Variants in FLRT1 observed in about 807,000 individuals in gnomAD.
FLRT1 encodes the protein fibronectin leucine rich transmembrane protein 1.
Under a neutral mutation model 30.9 loss-of-function variants are expected in FLRT1, and 14 were observed. That is an observed-to-expected ratio of 0.45 (90% CI 0.30 to 0.71). FLRT1 has a LOEUF of 0.71. Ranked by LOEUF, FLRT1 falls within the 30% of genes least tolerant of loss-of-function variation. FLRT1 has a pLI of 0.08. For synonymous variants in FLRT1, 368 were observed against 430.4 expected (o/e 0.85, Z 1.80); for missense variants, 737 against 949.2 (o/e 0.78, Z 2.94).
chr11:64,047,123 C>T (rs542579610), intron 1 of FLRT1, among the ~76,000 whole-genome samples: 56 of 152,240 alleles, frequency 3.7e-4, no homozygotes, highest in African/African-American at 1.2e-3. Flanking sequence ...CACTCCCCGA[C>T]ATTGGCTGCC....
At chr11:64,059,499 A>G (rs1026634486) in intron 1 of FLRT1, among the ~76,000 whole-genome samples, 4 of 152,066 alleles carry the variant, frequency 2.6e-5, no homozygotes, top group African/African-American at 9.7e-5. Flanking sequence ...CCACAGGCTG[A>G]CCCTGGGTAC....
At chr11:64,098,721 C>T (rs1944620613) in intron 1 of FLRT1, among the ~76,000 whole-genome samples, 1 of 152,174 alleles carries the variant, frequency 6.6e-6, no homozygotes, top group African/African-American at 2.4e-5. Flanking sequence ...TAGCTCGCAC[C>T]AGCTCTGACC....
chr11:64,078,528 G>C (rs867946295), intron 1 of FLRT1, among the ~76,000 whole-genome samples: 40 of 152,342 alleles, frequency 2.6e-4, no homozygotes, highest in African/African-American at 9.1e-4. Context: ...AGGGATACCC[G>C]GGAGGGGAGC....
At chr11:64,112,264 A>C (rs764087580) in intron 2 of FLRT1, among the ~76,000 whole-genome samples, 2 of 152,230 alleles carry the variant, frequency 1.3e-5, no homozygotes, top group Non-Finnish European at 2.9e-5. Context: ...CTGTAATCCC[A>C]GTACTTTGAG....
chr11:64,118,042 G>A lies in FLRT1; in HGVS notation c.1775G>A (p.Arg592Gln), dbSNP rs767315617. The A allele has an allele frequency of 6.8e-5, 109 of 1,613,420 alleles. No homozygotes were observed. Among genetic ancestry groups the A allele is most frequent in the East Asian group, 1.6e-4 (7 of 44,888 alleles). ...ELLTRERAYN[R>Q]GSRKKDDYME... is the part of the protein sequence containing the mutation. ...CTGACCCGGGAGAGGGCCTACAACC[G>A]GGGCAGCAGGAAAAAGGATGACTAT... The change falls in exon 3 of 3, where the codon CGG becomes CAG. Residue 592 changes from arginine (R) to glutamine (Q), a missense_variant. By Grantham distance (43) the Arg-to-Gln change is conservative. Coordinates refer to ENST00000682287, the MANE Select transcript of FLRT1 (RefSeq NM_013280.5).
intron 1 of FLRT1, among the ~76,000 whole-genome samples, chr11:64,039,569 G>A (rs922283739): frequency 2.0e-5 from 3 of 152,160 alleles, no homozygotes; most frequent in Non-Finnish European, 4.4e-5. Context: ...CTGGATGGCC[G>A]GGAGGAGACG....
chr11:64,045,067 G>C (rs1030760041), intron 1 of FLRT1, among the ~76,000 whole-genome samples: 17 of 152,256 alleles, frequency 1.1e-4, no homozygotes, highest in African/African-American at 4.1e-4. Flanking sequence ...GAGCAGTCAG[G>C]CCTGTGCGGG....
intron 1 of FLRT1, among the ~76,000 whole-genome samples, chr11:64,053,747 G>A (rs2134418456): frequency 6.6e-6 from 1 of 152,332 alleles, no homozygotes; most frequent in South Asian, 2.1e-4. Flanking sequence ...CTCTGGGACT[G>A]CTGGGCCTTG....
chr11:64,075,921 G>A lies in FLRT1; in HGVS notation c.-1037-27273G>A, dbSNP rs137993139. ...ACTCCTGACCTCAAGTGATCCACCC[G>A]CCTCGGCTTCCCAAAGTGTTGGGAT... On this transcript the variant is annotated intron_variant, in intron 1 of 2. Coordinates refer to ENST00000682287, the MANE Select transcript of FLRT1 (RefSeq NM_013280.5). 2.8e-3 allele frequency among the ~76,000 whole-genome samples: 421 copies of A among 152,286 alleles called. 3 individuals carry two copies. The highest frequency in any genetic ancestry group is 9.7e-3 in the African/African-American group (403 of 41,564).
Position 64,111,743 on chromosome 11 carries a change from G to A in FLRT1, c.-49-4476G>A, listed in dbSNP as rs1193081413. ...AAGGCTGATGTGTCTAGCTCTGCAT[G>A]CTGTCCTGGCTTCAAGCCCGTCCTT... On this transcript the variant is annotated intron_variant, in intron 2 of 2. Coordinates refer to ENST00000682287, the MANE Select transcript of FLRT1 (RefSeq NM_013280.5). Among the ~76,000 whole-genome samples the A allele has an allele frequency of 3.9e-5, 6 of 152,338 alleles. 1 individual carries two copies. Among genetic ancestry groups the A allele is most frequent in the Admixed American group, 3.3e-4 (5 of 15,300 alleles).
intron 1 of FLRT1, among the ~76,000 whole-genome samples, chr11:64,054,466 G>A (rs1943747891): frequency 6.6e-6 from 1 of 152,098 alleles, no homozygotes; most frequent in African/African-American, 2.4e-5. Flanking sequence ...AACAAAGTGG[G>A]TGCTGGGTTC....
intron 1 of FLRT1, among the ~76,000 whole-genome samples, chr11:64,093,779 T>G (rs933931345): frequency 6.6e-5 from 10 of 152,162 alleles, no homozygotes; most frequent in Non-Finnish European, 1.5e-4. Flanking sequence ...CAGAACAGTG[T>G]TCTAGTCTGG....
chr11:64,117,724 A>C lies in FLRT1; in HGVS notation c.1457A>C (p.Gln486Pro), dbSNP rs1474897315. 6.2e-7 allele frequency: 1 copy of C among 1,613,744 alleles called. No individual in the cohort carries two copies. Among genetic ancestry groups the C allele is most frequent in the Non-Finnish European group, 8.5e-7 (1 of 1,179,952 alleles). ...AVGSITETLV[Q>P]GDKTEYLLTA... is the part of the protein sequence containing the mutation. ...GGCTCCATCACGGAGACCTTGGTGCAGGGGGACAAGACAGAGTACCTGCTG... is the reference window on the plus strand; with the variant it reads ...GGCTCCATCACGGAGACCTTGGTGCCGGGGGACAAGACAGAGTACCTGCTG... Residue 486 changes from glutamine (Q) to proline (P), a missense_variant, in exon 3 of 3, where the codon CAG becomes CCG. By Grantham distance (76) the Gln-to-Pro change is moderately conservative (BLOSUM62 -1). Coordinates refer to ENST00000682287, the MANE Select transcript of FLRT1 (RefSeq NM_013280.5).
chr11:64,114,452 A>G (rs12575401), intron 2 of FLRT1, among the ~76,000 whole-genome samples: 55 of 85,096 alleles, frequency 6.5e-4, no homozygotes, highest in Middle Eastern at 0.011. Context: ...TGGATGGATG[A>G]ATGGATGGAT....
chr11:64,088,434 C>A (rs1944433200), intron 1 of FLRT1, among the ~76,000 whole-genome samples: 1 of 152,166 alleles, frequency 6.6e-6, no homozygotes, highest in African/African-American at 2.4e-5. Flanking sequence ...CCCTGTGAGC[C>A]CTGCAGGTGC....
At chr11:64,098,405 G>A (rs1251719899) in intron 1 of FLRT1, among the ~76,000 whole-genome samples, 1 of 152,096 alleles carries the variant, frequency 6.6e-6, no homozygotes, top group Admixed American at 6.5e-5. Flanking sequence ...TGTTCTTCCC[G>A]TCCCACTCCC....
chr11:64,116,362 G>A lies in FLRT1; in HGVS notation c.95G>A (p.Arg32Gln), dbSNP rs745736386. 3.7e-6 allele frequency: 6 copies of A among 1,613,114 alleles called. No individual in the cohort carries two copies. The highest frequency in any genetic ancestry group is 1.1e-5 in the South Asian group (1 of 90,994). ...VVMTTATMDLRDWLFLCYGLI... is the reference protein window; with the variant it reads ...VVMTTATMDLQDWLFLCYGLI... Reference sequence around the variant, plus strand: ...ATGACCACGGCCACCATGGACCTGCGGGACTGGCTGTTCCTCTGCTACGGG... The same window carrying A: ...ATGACCACGGCCACCATGGACCTGCAGGACTGGCTGTTCCTCTGCTACGGG... The change falls in exon 3 of 3, where the codon CGG becomes CAG. Residue 32 changes from arginine to glutamine, a missense_variant. Physicochemically the swap from Arg to Gln is conservative, Grantham distance 43 (BLOSUM62 1). Coordinates refer to ENST00000682287, the MANE Select transcript of FLRT1 (RefSeq NM_013280.5).
intron 1 of FLRT1, among the ~76,000 whole-genome samples, chr11:64,053,434 CA>C: frequency 6.6e-6 from 1 of 152,192 alleles, no homozygotes; most frequent in African/African-American, 2.4e-5. Context: ...CCTCCAGGGG[CA>C]CTGAGGTGCA....
intron 1 of FLRT1, among the ~76,000 whole-genome samples, chr11:64,056,033 T>G (rs956540682): frequency 6.6e-6 from 1 of 152,112 alleles, no homozygotes; most frequent in Non-Finnish European, 1.5e-5. Flanking sequence ...GGGAGCACAG[T>G]TTGTCCTCCC....
Sources: allele counts gnomAD v4.1 joint callset (sites outside exome capture counted in the v4.1 genomes callset), GRCh38; gene constraint gnomAD v4.1.1; transcripts MANE v1.5; gene names NCBI Gene and HGNC (gene_info 2026-07-23, HGNC 2026-07-21).